The following FOXK2 variants were observed in gnomAD, a reference collection of about 807,000 sequenced individuals.
FOXK2 encodes forkhead box protein K2.
FOXK2 carries 24 observed loss-of-function variants against 53.3 expected under a neutral mutation model. That is an observed-to-expected ratio of 0.45 (90% CI 0.33 to 0.63). The LOEUF is 0.63. FOXK2 is among the 30% of genes least tolerant of loss of function. The probability of loss-of-function intolerance (pLI) is 0.03; values close to 1 mark genes in which losing one functional copy is unlikely to be tolerated. For synonymous variants in FOXK2, 505 were observed against 407.1 expected, an observed-to-expected ratio of 1.24 and a Z score of -2.89; for missense variants, 952 against 910.5, an observed-to-expected ratio of 1.05 and a Z score of -0.59.
intron 1 of FOXK2, among the ~76,000 whole-genome samples, chr17:82,525,034 G>A (rs2044402954): frequency 6.6e-6 from 1 of 151,094 alleles, no homozygotes. Flanking sequence ...GGGGTACAGT[G>A]GCACGATCTC....
rs769953241 is a variant in FOXK2, at chr17:82,601,380, G to C, written c.1864G>C (p.Asp622His). 39 of 1,613,398 alleles carry C rather than the reference G, an allele frequency of 2.4e-5. 1 individual carries two copies. In the South Asian group the frequency reaches 3.3e-4, roughly 14 times the overall value. Residue 622 changes from aspartate to histidine, a missense_variant, in exon 9 of 9, where the codon GAC becomes CAC. Asp to His is a moderately conservative substitution (Grantham distance 81). Transcript: ENST00000335255. The part of the protein sequence containing the change: ...ASLPTKRHNG[D>H]QPEQPELKRI... ...CCTGCCCACAAAGCGCCACAACGGT[G>C]ACCAGCCGGAGCAGCCGGAGCTGAA... is the stretch of plus-strand genomic sequence containing the variant.
At chr17:82,563,626 G>T in intron 2 of FOXK2, 78 bp downstream of exon 2, 3 of 1,325,360 alleles carry the variant, frequency 2.3e-6, no homozygotes, top group Non-Finnish European at 3.1e-6. Context: ...TCCTTCCCTG[G>T]TGCTGACTTA....
intron 1 of FOXK2, among the ~76,000 whole-genome samples, chr17:82,525,337 TG>T: frequency 6.6e-6 from 1 of 151,998 alleles, no homozygotes. Flanking sequence ...CCACCATGCC[TG>T]GCTAACTTTT....
chr17:82,581,559 T>C (rs1419843193), intron 4 of FOXK2, among the ~76,000 whole-genome samples: 2 of 150,888 alleles, frequency 1.3e-5, no homozygotes, highest in African/African-American at 4.9e-5. Context: ...CACTGCAAGC[T>C]CTGCCTCCCG....
chr17:82,523,633 G>A (rs1228355182), intron 1 of FOXK2, among the ~76,000 whole-genome samples: 3 of 151,626 alleles, frequency 2.0e-5, no homozygotes, highest in Admixed American at 6.6e-5. Flanking sequence ...CTACACCACC[G>A]CACCCAGTTA....
intron 1 of FOXK2, among the ~76,000 whole-genome samples, chr17:82,543,838 G>A (rs548088360): frequency 2.0e-5 from 3 of 147,302 alleles, no homozygotes; most frequent in East Asian, 4.0e-4. Flanking sequence ...GTGCAGTGGC[G>A]CAATCTTGGC....
At chr17:82,590,740 TGTAGTG>T (rs2045245381) in intron 8 of FOXK2, among the ~76,000 whole-genome samples, 1 of 152,168 alleles carries the variant, frequency 6.6e-6, no homozygotes, top group African/African-American at 2.4e-5. Context: ...TATACTAAAT[TGTAGTG>T]TAGTGTATTA....
At chr17:82,540,701 A>T (rs776388976) in intron 1 of FOXK2, among the ~76,000 whole-genome samples, 11 of 152,158 alleles carry the variant, frequency 7.2e-5, no homozygotes, top group African/African-American at 2.4e-4. Flanking sequence ...TGCTTTCCCT[A>T]TATCTGTCTC....
At chr17:82,535,565 G>T (rs955674481) in intron 1 of FOXK2, among the ~76,000 whole-genome samples, 1 of 152,092 alleles carries the variant, frequency 6.6e-6, no homozygotes, top group Non-Finnish European at 1.5e-5. Flanking sequence ...CAAGTTTCCT[G>T]ATTCTTCTTG....
intron 3 of FOXK2, among the ~76,000 whole-genome samples, chr17:82,569,425 G>A (rs554387262): frequency 1.3e-5 from 2 of 152,310 alleles, no homozygotes; most frequent in South Asian, 2.1e-4. Context: ...CAGCAAAACT[G>A]TGGTCACTCT....
At chr17:82,586,261 G>A (rs1704827604) in intron 7 of FOXK2, 61 bp downstream of exon 7, 3 of 544,440 alleles carry the variant, frequency 5.5e-6, no homozygotes, top group Non-Finnish European at 3.2e-6. Flanking sequence ...GGGCCGGGGG[G>A]GGAAAGGAGG....
chr17:82,542,159 CTTCT>C (rs201928759), intron 1 of FOXK2, among the ~76,000 whole-genome samples: 5,018 of 144,120 alleles, frequency 0.035, 111 homozygotes, highest in South Asian at 0.077. Context: ...TTTTTTTTTT[CTTCT>C]TTCTTTTTTT....
chr17:82,535,631 G>A (rs1291423649), intron 1 of FOXK2, among the ~76,000 whole-genome samples: 1 of 152,046 alleles, frequency 6.6e-6, no homozygotes, highest in Non-Finnish European at 1.5e-5. Flanking sequence ...GTTTGTCATT[G>A]TACCTTTTAA....
In FOXK2 at chr17:82,587,177, CTCT is replaced by C. The variant is rs2045192454; in HGVS notation, c.1692_1694del (p.Leu565del). On this transcript the variant is annotated inframe_deletion, in exon 8 of 9. Coordinates refer to ENST00000335255, the MANE Select transcript of FOXK2 (RefSeq NM_004514.4). ...ACGGTGACCATAGTACAACAGGCACCTCTAGGTCAACACCAGCTACCAATAAAA... is the reference window on the plus strand; with the variant it reads ...ACGGTGACCATAGTACAACAGGCACCAGGTCAACACCAGCTACCAATAAAA... The C allele has an allele frequency of 6.2e-7, 1 of 1,612,930 alleles. No homozygotes were observed. The highest frequency in any genetic ancestry group is 1.3e-5 in the African/African-American group (1 of 74,916).
intron 4 of FOXK2, chr17:82,577,457 C>T (rs1041725120): frequency 1.7e-5 from 6 of 353,384 alleles, no homozygotes; most frequent in African/African-American, 6.6e-5. Context: ...GCGTGGCGGG[C>T]GGCCGGGTTA....
chr17:82,556,165 G>C (rs2044722550), intron 1 of FOXK2, among the ~76,000 whole-genome samples: 1 of 151,882 alleles, frequency 6.6e-6, no homozygotes, highest in Non-Finnish European at 1.5e-5. Context: ...AAGCAAGTTG[G>C]CCGGGCACGG....
chr17:82,578,754 G>A (rs966252214), intron 4 of FOXK2: 1 of 152,114 alleles, frequency 6.6e-6, no homozygotes, highest in African/African-American at 2.4e-5. Context: ...GTTCTTTTAC[G>A]TTTTCAGGAC....
intron 1 of FOXK2, among the ~76,000 whole-genome samples, chr17:82,552,833 T>C (rs2044689404): frequency 6.6e-6 from 1 of 152,204 alleles, no homozygotes; most frequent in Admixed American, 6.5e-5. Context: ...GCAGCCACTC[T>C]GCTCAAGCGT....
intron 1 of FOXK2, among the ~76,000 whole-genome samples, chr17:82,542,967 G>A (rs145646468): frequency 1.5e-3 from 224 of 152,298 alleles, no homozygotes; most frequent in Non-Finnish European, 1.8e-3. Context: ...GCAGTGAGCC[G>A]TGATTGCAGA....
Sources: allele counts gnomAD v4.1 joint callset (sites outside exome capture counted in the v4.1 genomes callset), GRCh38; gene constraint gnomAD v4.1.1; transcripts MANE v1.5; gene names NCBI Gene and HGNC (gene_info 2026-07-23, HGNC 2026-07-21).